The following PIP5K1B variants were observed in gnomAD, a reference collection of about 807,000 sequenced individuals.
PIP5K1B encodes the protein phosphatidylinositol 4-phosphate 5-kinase type-1 beta.
Under a neutral mutation model 67.0 loss-of-function variants are expected in PIP5K1B, and 42 were observed. That is an observed-to-expected ratio of 0.63 (90% CI 0.49 to 0.81). PIP5K1B has a LOEUF of 0.81. PIP5K1B is among the 30% of genes least tolerant of loss of function. The pLI, the probability that PIP5K1B is intolerant of heterozygous loss-of-function variation, is 0.00. For synonymous variants in PIP5K1B, 214 were observed against 231.4 expected (o/e 0.92, Z 0.68); for missense variants, 459 against 646.3 (o/e 0.71, Z 3.14).
In PIP5K1B at chr9:68,822,059, A is replaced by C. The variant is rs541677463; in HGVS notation, c.1-556A>C. On this transcript the variant is annotated intron_variant, in intron 3 of 15. Transcript: ENST00000265382. ...CAAAATGTGAATAGAGGAGTTGCCC[A>C]AGGGTAGTAGAATTGAGTAATTTTT... Among the ~76,000 whole-genome samples the C allele has an allele frequency of 6.2e-4, 94 of 152,378 alleles. 1 individual carries two copies. The Middle Eastern group carries it at 0.014, about 22-fold the overall frequency.
At chr9:68,928,563 A>G (rs1299159999) in intron 12 of PIP5K1B, among the ~76,000 whole-genome samples, 1 of 152,180 alleles carries the variant, frequency 6.6e-6, no homozygotes, top group African/African-American at 2.4e-5. Flanking sequence ...ATTTTGGTGT[A>G]TGAAGTGAGG....
chr9:68,753,781 C>T lies in PIP5K1B; in HGVS notation c.-86+11124C>T, dbSNP rs186496017. Among the ~76,000 whole-genome samples the T allele has an allele frequency of 5.6e-3, 859 of 152,210 alleles. 3 individuals carry two copies. Among genetic ancestry groups the T allele is most frequent in the Non-Finnish European group, 9.5e-3 (644 of 68,004 alleles). ...CCTTGTGATCTGCCCGCCTCGGCCTCGCAAAGTGCTGGGATTACAGGCGTG... is the reference window on the plus strand; with the variant it reads ...CCTTGTGATCTGCCCGCCTCGGCCTTGCAAAGTGCTGGGATTACAGGCGTG... On this transcript the variant is annotated intron_variant, in intron 2 of 15. Transcript: ENST00000265382.
intron 2 of PIP5K1B, among the ~76,000 whole-genome samples, chr9:68,766,157 T>G (rs1830416453): frequency 6.6e-6 from 1 of 152,090 alleles, no homozygotes. Flanking sequence ...ATAATATGGT[T>G]AAAAAAGAAT....
intron 1 of PIP5K1B, among the ~76,000 whole-genome samples, chr9:68,714,726 T>C (rs1587329674): frequency 6.6e-6 from 1 of 152,190 alleles, no homozygotes; most frequent in East Asian, 1.9e-4. Context: ...CTGATGTTTT[T>C]GCTCTCCTGG....
chr9:68,814,230 C>T (rs10869335), intron 2 of PIP5K1B, among the ~76,000 whole-genome samples: 66,918 of 151,718 alleles, frequency 0.44, 14,719 homozygotes, highest in East Asian at 0.49. Flanking sequence ...GCAAGCCGAG[C>T]GAAAAAATGG....
intron 2 of PIP5K1B, among the ~76,000 whole-genome samples, chr9:68,810,332 T>G (rs1833092338): frequency 6.6e-6 from 1 of 152,224 alleles, no homozygotes; most frequent in African/African-American, 2.4e-5. Context: ...CACTATCTAA[T>G]GGAGTTAGCG....
At chr9:68,891,051 C>T (rs1314847301) in intron 7 of PIP5K1B, among the ~76,000 whole-genome samples, 4 of 152,130 alleles carry the variant, frequency 2.6e-5, no homozygotes, top group Admixed American at 6.5e-5. Flanking sequence ...TGTTCAAGTC[C>T]AGCCTGGGCA....
At chr9:68,758,853 G>A (rs1463252064) in intron 2 of PIP5K1B, among the ~76,000 whole-genome samples, 1 of 151,928 alleles carries the variant, frequency 6.6e-6, no homozygotes, top group Non-Finnish European at 1.5e-5. Flanking sequence ...AAAAAATCTC[G>A]AAAACAGAGG....
At chr9:68,811,907 G>T (rs937030383) in intron 2 of PIP5K1B, among the ~76,000 whole-genome samples, 1 of 152,128 alleles carries the variant, frequency 6.6e-6, no homozygotes, top group Non-Finnish European at 1.5e-5. Context: ...TGAAAATACT[G>T]ACTCCCTAGG....
chr9:68,917,869 T>A, intron 9 of PIP5K1B, 110 bp downstream of exon 9: 1 of 755,370 alleles, frequency 1.3e-6, no homozygotes, highest in Non-Finnish European at 2.2e-6. Context: ...AATTAATTTC[T>A]ACTTGGTGCT....
chr9:68,785,368 C>A (rs1020220910), intron 2 of PIP5K1B, among the ~76,000 whole-genome samples: 4 of 152,164 alleles, frequency 2.6e-5, no homozygotes, highest in African/African-American at 7.2e-5. Flanking sequence ...CCACATTTTT[C>A]ATGGCTGTTA....
At chr9:68,870,666 A>G (rs924062230) in intron 5 of PIP5K1B, among the ~76,000 whole-genome samples, 1 of 152,222 alleles carries the variant, frequency 6.6e-6, no homozygotes, top group Admixed American at 6.5e-5. Flanking sequence ...ACTGGATTGT[A>G]GTGGCATTCA....
chr9:68,822,766 C>A, intron 4 of PIP5K1B, 83 bp downstream of exon 4: 1 of 935,690 alleles, frequency 1.1e-6, no homozygotes, highest in Non-Finnish European at 1.7e-6. Flanking sequence ...TTCCTTCTCC[C>A]AAGCAGTTGT....
At chr9:68,887,435 G>T (rs11144136) in intron 6 of PIP5K1B, among the ~76,000 whole-genome samples, 14,244 of 152,236 alleles carry the variant, frequency 0.094, 835 homozygotes, top group Non-Finnish European at 0.14. Flanking sequence ...TGTGGCTAGA[G>T]CTAAAGTTGA....
At chr9:68,981,967 T>C (rs1019952864) in intron 14 of PIP5K1B, among the ~76,000 whole-genome samples, 1 of 152,172 alleles carries the variant, frequency 6.6e-6, no homozygotes, top group Non-Finnish European at 1.5e-5. Context: ...GGAAGAGTAC[T>C]GGCAGTTTCT....
At chr9:68,708,318 GAAGTCATTCATA>G (rs1279930982) in intron 1 of PIP5K1B, among the ~76,000 whole-genome samples, 1 of 152,118 alleles carries the variant, frequency 6.6e-6, no homozygotes. Context: ...GGGGGTGAAT[GAAGTCATTCATA>G]AGGAAAACAT....
At chr9:68,858,416 G>A (rs994487884) in intron 4 of PIP5K1B, among the ~76,000 whole-genome samples, 2 of 152,206 alleles carry the variant, frequency 1.3e-5, no homozygotes, top group Non-Finnish European at 2.9e-5. Context: ...AACAGAGAAA[G>A]CATTGGACCT....
intron 15 of PIP5K1B, among the ~76,000 whole-genome samples, chr9:69,007,740 C>T (rs1831155738): frequency 6.6e-6 from 1 of 152,020 alleles, no homozygotes; most frequent in Non-Finnish European, 1.5e-5. Context: ...AGCTGTAGTC[C>T]CAGCTACTCG....
rs72304177 is a variant in PIP5K1B, at chr9:68,764,074, C to CTTTTTTTTTTTTTTTTT, written c.-86+21427_-86+21443dup. ...TTTGGACACCCCTCTACTATAACTT[C>CTTTTTTTTTTTTTTTTT]TTTTTTTTTTTTTTTTTTTTTTTTT... On this transcript the variant is annotated intron_variant, in intron 2 of 15. Coordinates refer to ENST00000265382, the MANE Select transcript of PIP5K1B (RefSeq NM_003558.4). Among the ~76,000 whole-genome samples, 17 of 73,548 alleles carry CTTTTTTTTTTTTTTTTT rather than the reference C, an allele frequency of 2.3e-4. 1 individual carries two copies. The highest frequency in any genetic ancestry group is 8.6e-4 in the African/African-American group (16 of 18,640). The allele number at this position is 73,548 out of a possible 152,430, so 48.3% of individuals were successfully genotyped here.
Sources: gnomAD v4.1 joint callset for allele counts (sites outside exome capture counted in the v4.1 genomes callset) on GRCh38, gnomAD v4.1.1 for gene constraint, MANE v1.5 for transcripts, NCBI Gene and HGNC (gene_info 2026-07-23, HGNC 2026-07-21) for gene names.